Variants in PRKCQ observed in about 807,000 individuals in gnomAD.
PRKCQ encodes protein kinase C theta.
In PRKCQ, 41 loss-of-function variants were observed where a neutral mutation model predicts 91.2. That is an observed-to-expected ratio of 0.45 (90% confidence interval 0.35 to 0.58). The LOEUF (loss-of-function observed/expected upper bound fraction) is 0.58. Ranked by LOEUF, PRKCQ falls within the 20% of genes least tolerant of loss-of-function variation. PRKCQ has a pLI of 0.00. For synonymous variants in PRKCQ, 307 were observed against 316.9 expected, an observed-to-expected ratio of 0.97 and a Z score of 0.33; for missense variants, 673 against 896.5, an observed-to-expected ratio of 0.75 and a Z score of 3.18.
At chr10:6,531,342 C>G (rs2130899950) in intron 1 of PRKCQ, among the ~76,000 whole-genome samples, 1 of 151,708 alleles carries the variant, frequency 6.6e-6, no homozygotes, top group Admixed American at 6.6e-5. Flanking sequence ...TGATGTTGCT[C>G]CTCTGAGCAA....
intron 1 of PRKCQ, among the ~76,000 whole-genome samples, chr10:6,538,375 A>C (rs2130912046): frequency 6.6e-6 from 1 of 152,366 alleles, no homozygotes; most frequent in African/African-American, 2.4e-5. Flanking sequence ...TTTGTACTGG[A>C]GGCATTCCAG....
intron 11 of PRKCQ, among the ~76,000 whole-genome samples, chr10:6,480,132 C>T (rs1173203316): frequency 6.6e-6 from 1 of 152,114 alleles, no homozygotes; most frequent in Non-Finnish European, 1.5e-5. Flanking sequence ...GTTTACTTTC[C>T]CACTTGATTT....
chr10:6,580,559 A>G (rs571288115), upstream of PRKCQ: 182 of 152,600 alleles, frequency 1.2e-3, no homozygotes, highest in African/African-American at 4.1e-3. Context: ...AGGGCCCAGG[A>G]CAGCCCCGGG....
chr10:6,578,462 G>A (rs1650800121), intron 1 of PRKCQ, among the ~76,000 whole-genome samples: 1 of 152,232 alleles, frequency 6.6e-6, no homozygotes, highest in Non-Finnish European at 1.5e-5. Flanking sequence ...GGCTGATGGT[G>A]CCCAGCAGGT....
chr10:6,513,680 TCAGA>T (rs1294310318), intron 2 of PRKCQ, among the ~76,000 whole-genome samples: 1 of 152,192 alleles, frequency 6.6e-6, no homozygotes, highest in Non-Finnish European at 1.5e-5. Flanking sequence ...TCAAGATGAT[TCAGA>T]CAGTCTCTCT....
At chr10:6,445,938 G>A (rs1834264042) in intron 15 of PRKCQ, among the ~76,000 whole-genome samples, 1 of 152,190 alleles carries the variant, frequency 6.6e-6, no homozygotes, top group South Asian at 2.1e-4. Flanking sequence ...GTTTTGGCAG[G>A]ACAAACAAAA....
At chr10:6,530,704 G>A (rs1839363091) in intron 1 of PRKCQ, among the ~76,000 whole-genome samples, 2 of 152,214 alleles carry the variant, frequency 1.3e-5, no homozygotes, top group Admixed American at 6.5e-5. Context: ...CAGAAACGTC[G>A]CCAGCTTACA....
intron 16 of PRKCQ, among the ~76,000 whole-genome samples, chr10:6,440,512 T>C (rs1257302569): frequency 6.6e-6 from 1 of 152,176 alleles, no homozygotes; most frequent in African/African-American, 2.4e-5. Flanking sequence ...CTGCTCATCC[T>C]CTTTCCTCTC....
intron 15 of PRKCQ, among the ~76,000 whole-genome samples, chr10:6,445,407 G>C (rs1052421989): frequency 4.6e-5 from 7 of 152,118 alleles, no homozygotes; most frequent in Non-Finnish European, 7.3e-5. Flanking sequence ...AACGTCACAG[G>C]CTCTACTTCT....
the PRKCQ span, among the ~76,000 whole-genome samples, chr10:6,405,088 C>T: frequency 6.6e-5 from 10 of 152,024 alleles, no homozygotes; most frequent in Non-Finnish European, 1.2e-4. Flanking sequence ...CACAAGTGAT[C>T]TTCCAACCTC....
chr10:6,566,510 G>A (rs543836061), intron 1 of PRKCQ, among the ~76,000 whole-genome samples: 30 of 152,210 alleles, frequency 2.0e-4, no homozygotes, highest in African/African-American at 7.2e-4. Flanking sequence ...TCCCACTTCT[G>A]GGATTTTTCA....
At chr10:6,486,843 G>A (rs1424531417) in intron 8 of PRKCQ, among the ~76,000 whole-genome samples, 1 of 152,212 alleles carries the variant, frequency 6.6e-6, no homozygotes, top group Non-Finnish European at 1.5e-5. Flanking sequence ...AGCCCAGGAG[G>A]CAGCCTCAGC....
intron 1 of PRKCQ, among the ~76,000 whole-genome samples, chr10:6,552,375 G>A (rs540036328): frequency 6.6e-6 from 1 of 151,464 alleles, no homozygotes; most frequent in Non-Finnish European, 1.5e-5. Flanking sequence ...TCCAGTGATC[G>A]TGCCTCCAAG....
At chr10:6,480,783 C>G (rs928100486) in intron 11 of PRKCQ, among the ~76,000 whole-genome samples, 1 of 152,140 alleles carries the variant, frequency 6.6e-6, no homozygotes, top group Non-Finnish European at 1.5e-5. Context: ...GACAACAGCC[C>G]TGAACATGTA....
chr10:6,414,275 T>A, the PRKCQ span, among the ~76,000 whole-genome samples: 1 of 152,220 alleles, frequency 6.6e-6, no homozygotes, highest in Non-Finnish European at 1.5e-5. Context: ...ATTTTGTTGA[T>A]CTTTTCCAGT....
At chr10:6,522,487 A>T (rs559576019) in intron 1 of PRKCQ, among the ~76,000 whole-genome samples, 1 of 152,326 alleles carries the variant, frequency 6.6e-6, no homozygotes, top group African/African-American at 2.4e-5. Context: ...AACTCCCAGA[A>T]TGCGTTTATA....
the PRKCQ span, among the ~76,000 whole-genome samples, chr10:6,421,603 A>G: frequency 6.6e-6 from 1 of 152,218 alleles, no homozygotes; most frequent in Non-Finnish European, 1.5e-5. This position sits in a 1 kb window ranked among gnomAD's most constrained non-coding sequence, Gnocchi z 4.1. Flanking sequence ...CACAGCAGAA[A>G]GTTCTGTTAG....
intron 11 of PRKCQ, 56 bp downstream of exon 11, chr10:6,483,384 C>A (rs1370744338): frequency 3.1e-6 from 5 of 1,604,444 alleles, no homozygotes; most frequent in Non-Finnish European, 4.3e-6. Context: ...TGACCAGGAA[C>A]TTGGCTCATC....
At chr10:6,527,271 A>G (rs1839232014) in intron 1 of PRKCQ, among the ~76,000 whole-genome samples, 1 of 152,200 alleles carries the variant, frequency 6.6e-6, no homozygotes, top group South Asian at 2.1e-4. Flanking sequence ...GCAAGTGGGT[A>G]CTTATTGGGA....
Sources: allele counts gnomAD v4.1 joint callset (sites outside exome capture counted in the v4.1 genomes callset), GRCh38; gene constraint gnomAD v4.1.1; non-coding constraint Gnocchi (gnomAD v3.1); transcripts MANE v1.5; gene names NCBI Gene and HGNC (gene_info 2026-07-23, HGNC 2026-07-21).